STXBP5L: variants seen among roughly 807,000 people sequenced by gnomAD.
STXBP5L encodes syntaxin-binding protein 5-like.
In STXBP5L, 65 loss-of-function variants were observed where a neutral mutation model predicts 144.5. The observed-to-expected ratio is 0.45, with a 90% CI of 0.37 to 0.55. The LOEUF is 0.55. Among genes scored for constraint, STXBP5L ranks in the 20% least tolerant of loss-of-function variants. STXBP5L has a pLI of 0.00. For missense variants in STXBP5L, 1,298 were observed against 1,405.5 expected, an observed-to-expected ratio of 0.92 and a Z score of 1.22; for synonymous variants, 505 against 469.6, an observed-to-expected ratio of 1.08 and a Z score of -0.97.
intron 2 of STXBP5L, among the ~76,000 whole-genome samples, chr3:120,950,086 C>G (rs1470964879): frequency 6.6e-6 from 1 of 151,892 alleles, no homozygotes; most frequent in African/African-American, 2.4e-5. Context: ...TTTAAAAAAA[C>G]ATTACCTAAT....
intron 19 of STXBP5L, among the ~76,000 whole-genome samples, chr3:121,304,646 A>C (rs2043275939): frequency 6.6e-6 from 1 of 152,166 alleles, no homozygotes; most frequent in African/African-American, 2.4e-5. Context: ...AGGAAATTTT[A>C]AAATATTTTT....
chr3:121,254,787 G>A, intron 15 of STXBP5L, 108 bp from the exon 16 acceptor site: 1 of 936,052 alleles, frequency 1.1e-6, no homozygotes, highest in Non-Finnish European at 1.6e-6. Flanking sequence ...AATTCACTTT[G>A]TCTACTTAGG....
chr3:120,988,004 C>T (rs1942468138), intron 3 of STXBP5L, among the ~76,000 whole-genome samples: 1 of 150,786 alleles, frequency 6.6e-6, no homozygotes, highest in East Asian at 1.9e-4. Context: ...TTGTTTGTTG[C>T]CTTCATCTTG....
intron 5 of STXBP5L, among the ~76,000 whole-genome samples, chr3:121,111,219 C>T (rs938038794): frequency 6.6e-6 from 1 of 152,184 alleles, no homozygotes; most frequent in African/African-American, 2.4e-5. Context: ...TATTACCCAC[C>T]TTCTGAAGCC....
At chr3:121,296,156 T>G (rs760988785) in intron 19 of STXBP5L, among the ~76,000 whole-genome samples, 1 of 152,184 alleles carries the variant, frequency 6.6e-6, no homozygotes, top group Non-Finnish European at 1.5e-5. Flanking sequence ...CCTTCAAGTT[T>G]AGTAGCCAAT....
intron 5 of STXBP5L, among the ~76,000 whole-genome samples, chr3:121,058,253 G>T (rs560857341): frequency 3.3e-5 from 5 of 152,218 alleles, no homozygotes; most frequent in Admixed American, 3.3e-4. Context: ...GTGTTAGTTT[G>T]CTGAGAATCG....
chr3:121,093,188 G>A (rs1166278268), intron 5 of STXBP5L, among the ~76,000 whole-genome samples: 2 of 152,108 alleles, frequency 1.3e-5, no homozygotes, highest in Non-Finnish European at 2.9e-5. Context: ...ATTTTATTGA[G>A]GATTTTTGCA....
rs544454961 is a variant in STXBP5L at position 121,160,022 on chromosome 3, A to G, written c.877+2395A>G. 4.9e-4 allele frequency among the ~76,000 whole-genome samples: 75 copies of G among 152,256 alleles called. 2 individuals are homozygous for G. Among genetic ancestry groups the G allele is most frequent in the South Asian group, 1.0e-3 (5 of 4,830 alleles). Reference sequence around the variant, plus strand: ...ATTGTTGCTAATTTTTTGTTCTGATATTTCAATTCTTAGAGAAGCGAGTTA... The same window carrying G: ...ATTGTTGCTAATTTTTTGTTCTGATGTTTCAATTCTTAGAGAAGCGAGTTA... On this transcript the variant is annotated intron_variant, in intron 9 of 26. Coordinates refer to ENST00000471454, the MANE Select transcript of STXBP5L (RefSeq NM_001308330.2).
At chr3:121,381,822 CA>C (rs1447138911) in intron 22 of STXBP5L, among the ~76,000 whole-genome samples, 1 of 152,014 alleles carries the variant, frequency 6.6e-6, no homozygotes, top group East Asian at 1.9e-4. Context: ...AACCTTAATG[CA>C]AAACTTAAAT....
intron 3 of STXBP5L, among the ~76,000 whole-genome samples, chr3:120,966,458 G>C (rs1302039626): frequency 1.3e-5 from 2 of 152,138 alleles, no homozygotes; most frequent in African/African-American, 4.8e-5. Flanking sequence ...CCTAGAGATG[G>C]GGTTTTGGTG....
At chr3:121,168,090 C>G (rs907018815) in intron 9 of STXBP5L, among the ~76,000 whole-genome samples, 2 of 152,048 alleles carry the variant, frequency 1.3e-5, no homozygotes, top group South Asian at 2.1e-4. Context: ...AGAAAAAGGC[C>G]CTGACTCTTA....
chr3:120,938,072 CA>C (rs1710361262), intron 2 of STXBP5L, among the ~76,000 whole-genome samples: 1 of 151,630 alleles, frequency 6.6e-6, no homozygotes, highest in Admixed American at 6.6e-5. Flanking sequence ...TACAGGTAAG[CA>C]AAAACAGAAC....
intron 19 of STXBP5L, among the ~76,000 whole-genome samples, chr3:121,295,291 G>A (rs573362233): frequency 6.6e-6 from 1 of 152,038 alleles, no homozygotes; most frequent in African/African-American, 2.4e-5. Context: ...TTGTCTATTA[G>A]TATAGACAGA....
At chr3:121,240,611 G>A in intron 14 of STXBP5L, 104 bp downstream of exon 14, 5 of 1,031,474 alleles carry the variant, frequency 4.8e-6, no homozygotes, top group Non-Finnish European at 7.1e-6. Context: ...AATAGTTTAA[G>A]TAAAAGTAAA....
At chr3:121,318,378 T>C (rs2043853321) in intron 19 of STXBP5L, 97 bp from the exon 20 acceptor site, 2 of 761,624 alleles carry the variant, frequency 2.6e-6, no homozygotes, top group Non-Finnish European at 4.0e-6. Flanking sequence ...AGTTTTCACA[T>C]AAAAAAAAGC....
chr3:120,941,310 T>C (rs944277556), intron 2 of STXBP5L, among the ~76,000 whole-genome samples: 1 of 151,786 alleles, frequency 6.6e-6, no homozygotes, highest in Non-Finnish European at 1.5e-5. Flanking sequence ...TAATAATCAC[T>C]AGATTTAATA....
At chr3:121,252,841 G>T (rs1443368287) in intron 15 of STXBP5L, among the ~76,000 whole-genome samples, 1 of 152,162 alleles carries the variant, frequency 6.6e-6, no homozygotes, top group Non-Finnish European at 1.5e-5. Flanking sequence ...TAATCAAGGT[G>T]TTGGCTGGGG....
intron 20 of STXBP5L, among the ~76,000 whole-genome samples, chr3:121,344,819 T>C (rs2044887044): frequency 6.6e-6 from 1 of 151,658 alleles, no homozygotes; most frequent in Non-Finnish European, 1.5e-5. Context: ...ATACTATACA[T>C]AGAGGATAAC....
At chr3:121,229,019 T>C (rs1255218197) in intron 11 of STXBP5L, among the ~76,000 whole-genome samples, 1 of 152,232 alleles carries the variant, frequency 6.6e-6, no homozygotes, top group Non-Finnish European at 1.5e-5. Flanking sequence ...CTTTTAATTA[T>C]AGCCAGCTTA....
Sources: gnomAD v4.1 joint callset for allele counts (sites outside exome capture counted in the v4.1 genomes callset) on GRCh38, gnomAD v4.1.1 for gene constraint, MANE v1.5 for transcripts, NCBI Gene and HGNC (gene_info 2026-07-23, HGNC 2026-07-21) for gene names.